CHRM3: variants seen among roughly 807,000 people sequenced by gnomAD.
The protein encoded by CHRM3 is cholinergic receptor muscarinic 3.
A neutral mutation model predicts 41.8 loss-of-function variants in CHRM3; 11 were observed. That is an observed-to-expected ratio of 0.26 (90% CI 0.17 to 0.44). The LOEUF is 0.44. CHRM3 is among the 20% of genes least tolerant of loss of function. The pLI, the probability that CHRM3 is intolerant of heterozygous loss-of-function variation, is 1.00. For synonymous variants in CHRM3, 297 were observed against 301.4 expected, an observed-to-expected ratio of 0.99 and a Z score of 0.15; for missense variants, 571 against 745.4, an observed-to-expected ratio of 0.77 and a Z score of 2.72.
chr1:239,826,060 CAG>C (rs1672433875), intron 5 of CHRM3, among the ~76,000 whole-genome samples: 1 of 152,086 alleles, frequency 6.6e-6, no homozygotes, highest in Non-Finnish European at 1.5e-5. Context: ...AGGGAAAATG[CAG>C]AGTTATTGTT....
chr1:239,779,742 GA>G (rs1204391910), intron 5 of CHRM3, among the ~76,000 whole-genome samples: 2 of 151,912 alleles, frequency 1.3e-5, no homozygotes, highest in East Asian at 1.9e-4. Flanking sequence ...CTCAAAAAAA[GA>G]AAAAAAGAAT....
intron 4 of CHRM3, among the ~76,000 whole-genome samples, chr1:239,639,470 G>C (rs1227574134): frequency 1.3e-5 from 2 of 152,070 alleles, no homozygotes; most frequent in Admixed American, 6.6e-5. Context: ...TTCTTGAAGA[G>C]GTCCTTCACA....
At chr1:239,696,044 T>C (rs1383922024) in intron 5 of CHRM3, among the ~76,000 whole-genome samples, 1 of 152,172 alleles carries the variant, frequency 6.6e-6, no homozygotes, top group African/African-American at 2.4e-5. Flanking sequence ...TAACTGTTAA[T>C]TACAATACAG....
At chr1:239,456,617 A>G (rs1664956701) in intron 1 of CHRM3, among the ~76,000 whole-genome samples, 1 of 152,192 alleles carries the variant, frequency 6.6e-6, no homozygotes, top group African/African-American at 2.4e-5. Context: ...TGTGTTTCTT[A>G]CAATGTCACG....
chr1:239,593,161 A>G (rs1026565364), intron 3 of CHRM3, among the ~76,000 whole-genome samples: 1 of 152,132 alleles, frequency 6.6e-6, no homozygotes, highest in African/African-American at 2.4e-5. Flanking sequence ...GTTTATGTTT[A>G]TGGGATTATC....
chr1:239,645,203 G>C (rs1444738518), intron 4 of CHRM3, among the ~76,000 whole-genome samples: 1 of 152,188 alleles, frequency 6.6e-6, no homozygotes, highest in Admixed American at 6.5e-5. Context: ...CACCAGATGC[G>C]CTCAGCTATG....
chr1:239,596,591 C>T (rs761265882), intron 3 of CHRM3, among the ~76,000 whole-genome samples: 1 of 151,930 alleles, frequency 6.6e-6, no homozygotes, highest in South Asian at 2.1e-4. Context: ...TAAGTATATA[C>T]CTGATGAATT....
rs555161315 is a variant in CHRM3 at position 239,723,150 on chromosome 1, A to T, written c.-147+44862A>T. ...ATCTAAACTGGCTTTCATTAATAAG[A>T]GGTAACTATGTCCATTTATTTAGCT... On this transcript the variant is annotated intron_variant, in intron 5 of 6. Coordinates refer to ENST00000676153, the MANE Select transcript of CHRM3 (RefSeq NM_001375978.1). Among the ~76,000 whole-genome samples, 28 of 152,046 alleles carry T rather than the reference A, an allele frequency of 1.8e-4. No individual in the cohort carries two copies. In the South Asian group the frequency reaches 5.6e-3, roughly 30 times the overall value.
At chr1:239,443,530 A>G (rs550408229) in intron 1 of CHRM3, among the ~76,000 whole-genome samples, 2 of 152,352 alleles carry the variant, frequency 1.3e-5, no homozygotes, top group Middle Eastern at 3.4e-3. Flanking sequence ...GTCTGTGAAG[A>G]AAAACTGCTG....
intron 4 of CHRM3, among the ~76,000 whole-genome samples, chr1:239,661,709 C>T (rs1231876702): frequency 6.6e-6 from 1 of 152,098 alleles, no homozygotes; most frequent in Non-Finnish European, 1.5e-5. Context: ...GGCGGTGAAA[C>T]TATTTTGTAT....
intron 5 of CHRM3, chr1:239,703,511 C>T (rs1350923382): frequency 6.6e-6 from 1 of 152,080 alleles, no homozygotes; most frequent in Admixed American, 6.6e-5. Flanking sequence ...TATCCTTTCC[C>T]CAAGACATAT....
chr1:239,405,772 C>T (rs181217749), intron 1 of CHRM3, among the ~76,000 whole-genome samples: 149 of 152,230 alleles, frequency 9.8e-4, no homozygotes, highest in African/African-American at 3.4e-3. Context: ...ATATGAGTGA[C>T]AGAAGTTGCT....
At chr1:239,822,618 G>A (rs1672145585) in intron 5 of CHRM3, among the ~76,000 whole-genome samples, 1 of 152,186 alleles carries the variant, frequency 6.6e-6, no homozygotes, top group Non-Finnish European at 1.5e-5. Context: ...AATCCAGGAA[G>A]TAAGTTTCTA....
At position 239,412,142 on chromosome 1, in the gene CHRM3, T is replaced by C. The variant is rs564908744; in HGVS notation, c.-521+24915T>C. Among the ~76,000 whole-genome samples, 18 of 151,160 alleles carry C rather than the reference T, an allele frequency of 1.2e-4. 1 individual carries two copies. Among genetic ancestry groups the C allele is most frequent in the African/African-American group, 3.9e-4 (16 of 41,194 alleles). ...CTGAATTACTTAGTGAACTATGATATTATCTTTTTGTATTATTTTTTGGTT... is the reference window on the plus strand; with the variant it reads ...CTGAATTACTTAGTGAACTATGATACTATCTTTTTGTATTATTTTTTGGTT... On this transcript the variant is annotated intron_variant, in intron 1 of 6. Transcript: ENST00000676153.
chr1:239,508,996 C>T (rs1668754537), intron 2 of CHRM3, among the ~76,000 whole-genome samples: 1 of 152,128 alleles, frequency 6.6e-6, no homozygotes, highest in South Asian at 2.1e-4. Context: ...ATACTGGATA[C>T]ACAGCAAAAA....
intron 4 of CHRM3, among the ~76,000 whole-genome samples, chr1:239,665,050 G>A (rs16838637): frequency 0.54 from 82,059 of 150,802 alleles, 23,054 homozygotes; most frequent in East Asian, 0.73. Flanking sequence ...TCGGTCTCTG[G>A]AAAAAAATGG....
At chr1:239,714,743 A>G (rs1662168652) in intron 5 of CHRM3, among the ~76,000 whole-genome samples, 1 of 152,138 alleles carries the variant, frequency 6.6e-6, no homozygotes, top group South Asian at 2.1e-4. Flanking sequence ...TGAAGAATAG[A>G]CTGAGGGGCA....
At chr1:239,543,081 A>G (rs180957117) in intron 2 of CHRM3, among the ~76,000 whole-genome samples, 334 of 152,272 alleles carry the variant, frequency 2.2e-3, no homozygotes, top group Non-Finnish European at 3.9e-3. Context: ...TTAGGCCTTC[A>G]GCAGGAAGAC....
chr1:239,524,950 T>A (rs975409761), intron 2 of CHRM3, among the ~76,000 whole-genome samples: 2 of 152,330 alleles, frequency 1.3e-5, no homozygotes, highest in East Asian at 3.9e-4. Context: ...AGTAATTTTT[T>A]AAAAGTAAAA....
Sources: allele counts gnomAD v4.1 joint callset (sites outside exome capture counted in the v4.1 genomes callset), GRCh38; gene constraint gnomAD v4.1.1; transcripts MANE v1.5; gene names NCBI Gene and HGNC (gene_info 2026-07-23, HGNC 2026-07-21).